The following CLSTN2 variants were observed in gnomAD, a reference collection of about 807,000 sequenced individuals.
CLSTN2 encodes the protein calsyntenin 2.
CLSTN2 carries 48 observed loss-of-function variants against 101.2 expected under a neutral mutation model. The observed-to-expected ratio is 0.47, with a 90% confidence interval of 0.38 to 0.60. The LOEUF is 0.60. CLSTN2 is among the 20% of genes least tolerant of loss of function. The pLI is 0.00. For missense variants in CLSTN2, 1,160 were observed against 1,238.2 expected, an observed-to-expected ratio of 0.94 and a Z score of 0.95; for synonymous variants, 481 against 463.6, an observed-to-expected ratio of 1.04 and a Z score of -0.48.
chr3:140,109,992 A>G lies in CLSTN2; in HGVS notation c.110-65959A>G, dbSNP rs1169771143. 2.0e-5 allele frequency among the ~76,000 whole-genome samples: 3 copies of G among 152,252 alleles called. No homozygotes were observed. The East Asian group carries it at 5.8e-4, about 29-fold the overall frequency. ...CCCACTCTGCCATGTGCCAGCCCTC[A>G]TCAGCCTTCCCAGGACCATAAATCT... On this transcript the variant is annotated intron_variant, in intron 1 of 16. Transcript: ENST00000458420.
At chr3:140,478,544 A>C (rs990303802) in intron 8 of CLSTN2, among the ~76,000 whole-genome samples, 1 of 152,196 alleles carries the variant, frequency 6.6e-6, no homozygotes, top group Non-Finnish European at 1.5e-5. Context: ...TGATTTGTAG[A>C]GACAGAAAGC....
chr3:140,437,141 C>T (rs1404901840), intron 5 of CLSTN2, among the ~76,000 whole-genome samples: 1 of 151,964 alleles, frequency 6.6e-6, no homozygotes, highest in Non-Finnish European at 1.5e-5. Flanking sequence ...GTCTGCCTCC[C>T]AGGTTCACGC....
chr3:140,170,070 A>G (rs1008144430), intron 1 of CLSTN2, among the ~76,000 whole-genome samples: 4 of 152,220 alleles, frequency 2.6e-5, no homozygotes, highest in Admixed American at 1.3e-4. Context: ...TAAATTCAGG[A>G]AACAAAAATA....
intron 1 of CLSTN2, among the ~76,000 whole-genome samples, chr3:140,082,968 T>G (rs2008623318): frequency 2.0e-5 from 3 of 152,170 alleles, no homozygotes; most frequent in Admixed American, 2.0e-4. Flanking sequence ...GCACCATCAT[T>G]TCAACCAGAG....
intron 2 of CLSTN2, among the ~76,000 whole-genome samples, chr3:140,312,357 G>C (rs2087177511): frequency 6.6e-6 from 1 of 152,230 alleles, no homozygotes; most frequent in African/African-American, 2.4e-5. Context: ...CCATTCACTT[G>C]TTAGCACTGG....
intron 1 of CLSTN2, among the ~76,000 whole-genome samples, chr3:140,107,780 C>T (rs1429558377): frequency 6.6e-6 from 1 of 152,092 alleles, no homozygotes; most frequent in Non-Finnish European, 1.5e-5. Context: ...CCTTGTTATC[C>T]CAAGAGAAAT....
At position 140,260,156 on chromosome 3, in the gene CLSTN2, ATT is replaced by A. The variant is rs1491094640; in HGVS notation, c.232+84084_232+84085del. On this transcript the variant is annotated intron_variant, in intron 2 of 16. Transcript: ENST00000458420. ...AAGAAATATATATATATATATATAT[ATT>A]ATATATAAAATACTGTACACCATAC... Among the ~76,000 whole-genome samples the A allele has an allele frequency of 2.2e-3, 315 of 144,402 alleles. 1 individual carries two copies. The South Asian group carries it at 0.022, about 10-fold the overall frequency. 94.7% of individuals were successfully genotyped at this position (144,402 alleles called of 152,430 possible).
At chr3:140,240,134 T>TTCTC (rs1370229338) in intron 2 of CLSTN2, among the ~76,000 whole-genome samples, 249 of 20,456 alleles carry the variant, frequency 0.012, 94 homozygotes, top group East Asian at 0.029. Context: ...TGCACCTGGT[T>TTCTC]TCTCTCTCTC....
intron 1 of CLSTN2, among the ~76,000 whole-genome samples, chr3:139,970,871 T>A (rs1211444125): frequency 6.6e-6 from 1 of 152,184 alleles, no homozygotes; most frequent in Non-Finnish European, 1.5e-5. Flanking sequence ...CAGCTAAAGC[T>A]AAGGGAATGG....
intron 2 of CLSTN2, among the ~76,000 whole-genome samples, chr3:140,237,253 A>G (rs2086426267): frequency 6.6e-6 from 1 of 152,132 alleles, no homozygotes; most frequent in Non-Finnish European, 1.5e-5. Flanking sequence ...TTTTCTAGAG[A>G]TAATTTGTTC....
chr3:139,951,560 C>A (rs1425380795), intron 1 of CLSTN2, among the ~76,000 whole-genome samples: 2 of 152,174 alleles, frequency 1.3e-5, no homozygotes, highest in Admixed American at 6.5e-5. Context: ...CTCTACCTGA[C>A]ACAGAAGCAC....
chr3:140,408,774 C>G (rs1307107474), intron 4 of CLSTN2, among the ~76,000 whole-genome samples: 1 of 152,196 alleles, frequency 6.6e-6, no homozygotes, highest in Non-Finnish European at 1.5e-5. Flanking sequence ...GGCCTGGGCT[C>G]CAGCCAAATA....
chr3:140,317,075 T>C (rs1281589546), intron 2 of CLSTN2, among the ~76,000 whole-genome samples: 1 of 152,200 alleles, frequency 6.6e-6, no homozygotes, highest in African/African-American at 2.4e-5. Context: ...GTATTTCCAG[T>C]TGAGAGTTTC....
intron 1 of CLSTN2, among the ~76,000 whole-genome samples, chr3:140,005,792 T>C (rs1159258646): frequency 6.6e-6 from 1 of 152,228 alleles, no homozygotes; most frequent in East Asian, 1.9e-4. Context: ...TTGGGATATG[T>C]TTTCTGGTCC....
At chr3:140,556,453 C>T in intron 10 of CLSTN2, 60 bp from the exon 11 acceptor site, 15 of 1,572,136 alleles carry the variant, frequency 9.5e-6, no homozygotes, top group Non-Finnish European at 1.3e-5. Flanking sequence ...GGAAGTGCTC[C>T]CATAAAACCA....
intron 2 of CLSTN2, among the ~76,000 whole-genome samples, chr3:140,222,637 T>C (rs1353092020): frequency 6.6e-6 from 1 of 152,074 alleles, no homozygotes; most frequent in Non-Finnish European, 1.5e-5. Flanking sequence ...AAAAACTTTT[T>C]AAAAGAATGA....
intron 8 of CLSTN2, among the ~76,000 whole-genome samples, chr3:140,498,667 T>C (rs1025297947): frequency 2.6e-5 from 4 of 152,264 alleles, no homozygotes; most frequent in East Asian, 1.9e-4. Context: ...ATTCACTCTC[T>C]TTAATGAAAG....
Position 140,062,716 on chromosome 3 carries a change from A to G in CLSTN2, c.110-113235A>G, listed in dbSNP as rs115030714. On this transcript the variant is annotated intron_variant, in intron 1 of 16. Transcript: ENST00000458420. Reference sequence around the variant, plus strand: ...GTGTTTCCCCACTTTTTGTAAGCTCATGGTATGCTAGTAGGGTGGGAAAAC... The same window carrying G: ...GTGTTTCCCCACTTTTTGTAAGCTCGTGGTATGCTAGTAGGGTGGGAAAAC... Among the ~76,000 whole-genome samples the G allele has an allele frequency of 4.2e-3, 639 of 152,204 alleles. 4 individuals carry two copies. Among genetic ancestry groups the G allele is most frequent in the African/African-American group, 0.015 (618 of 41,530 alleles).
At chr3:140,166,144 C>A (rs1371922911) in intron 1 of CLSTN2, among the ~76,000 whole-genome samples, 1 of 152,198 alleles carries the variant, frequency 6.6e-6, no homozygotes, top group Non-Finnish European at 1.5e-5. Flanking sequence ...ATGCTAGCCC[C>A]AACTCCCTAT....
Sources: allele counts gnomAD v4.1 joint callset (sites outside exome capture counted in the v4.1 genomes callset), GRCh38; gene constraint gnomAD v4.1.1; transcripts MANE v1.5; gene names NCBI Gene and HGNC (gene_info 2026-07-23, HGNC 2026-07-21).